UTRN: variants seen among roughly 807,000 people sequenced by gnomAD.
UTRN encodes dystrophin-related protein 1.
Under a neutral mutation model 463.9 loss-of-function variants are expected in UTRN, and 283 were observed. The observed-to-expected ratio is 0.61, with a 90% CI of 0.55 to 0.67. UTRN has a LOEUF of 0.67. UTRN is among the 30% of genes least tolerant of loss of function. The pLI, the probability that UTRN is intolerant of heterozygous loss-of-function variation, is 0.00. For synonymous variants in UTRN, 1,442 were observed against 1,431.5 expected, an observed-to-expected ratio of 1.01 and a Z score of -0.17; for missense variants, 3,922 against 4,084.3, an observed-to-expected ratio of 0.96 and a Z score of 1.08.
At chr6:144,761,120 CTATT>C (rs1470451966) in intron 58 of UTRN, among the ~76,000 whole-genome samples, 4 of 152,030 alleles carry the variant, frequency 2.6e-5, no homozygotes, top group African/African-American at 7.2e-5. Flanking sequence ...ATAAACCCCT[CTATT>C]TGTTGATATC....
intron 3 of UTRN, among the ~76,000 whole-genome samples, chr6:144,413,403 G>A (rs1383067074): frequency 6.6e-6 from 1 of 152,182 alleles, no homozygotes; most frequent in Non-Finnish European, 1.5e-5. Context: ...ACATGGCTGG[G>A]AGGCCATGGT....
chr6:144,331,660 C>T (rs1477794325), intron 2 of UTRN, among the ~76,000 whole-genome samples: 1 of 152,184 alleles, frequency 6.6e-6, no homozygotes, highest in Non-Finnish European at 1.5e-5. Context: ...TGCTGGGAGG[C>T]AGACAAGCAA....
Position 144,523,002 on chromosome 6 carries a change from C to A in UTRN, c.5734-14C>A, listed in dbSNP as rs1171739375. ...TTTGCTGGATTTTGTTAATCTATGA[C>A]AATATATTTTTAGAATATCAAAGAC... On this transcript the variant is annotated splice_polypyrimidine_tract_variant and intron_variant, in intron 40 of 74. Coordinates refer to ENST00000367545, the MANE Select transcript of UTRN (RefSeq NM_007124.3). 5.8e-6 allele frequency: 9 copies of A among 1,564,502 alleles called. No individual in the cohort carries two copies. Among genetic ancestry groups the A allele is most frequent in the Middle Eastern group, 3.4e-4 (2 of 5,852 alleles).
chr6:144,289,690 C>A (rs1368989095), intron 1 of UTRN, among the ~76,000 whole-genome samples: 1 of 151,792 alleles, frequency 6.6e-6, no homozygotes. Flanking sequence ...CCCTTGTCAC[C>A]CAGGCTGGAG....
chr6:144,513,334 C>A (rs1222828092), intron 35 of UTRN, among the ~76,000 whole-genome samples: 4 of 152,142 alleles, frequency 2.6e-5, no homozygotes, highest in African/African-American at 9.7e-5. Flanking sequence ...AGGTGGATCA[C>A]AAGGTCAAGA....
At chr6:144,412,373 AAG>A (rs1157390019) in intron 3 of UTRN, among the ~76,000 whole-genome samples, 1 of 152,160 alleles carries the variant, frequency 6.6e-6, no homozygotes, top group Non-Finnish European at 1.5e-5. Context: ...ATCATTAACT[AAG>A]ATGATGTACA....
At chr6:144,300,086 AT>A (rs10677686) in intron 2 of UTRN, among the ~76,000 whole-genome samples, 20,495 of 142,238 alleles carry the variant, frequency 0.14, 2,294 homozygotes, top group African/African-American at 0.33. Context: ...AAGTCTTGTG[AT>A]TTTTTTTTTT....
chr6:144,522,193 T>A, intron 40 of UTRN, 22 bp downstream of exon 40: 2 of 1,456,496 alleles, frequency 1.4e-6, no homozygotes, highest in East Asian at 5.3e-5. Flanking sequence ...GGCACTGTGT[T>A]TGAATGGCCA....
At chr6:144,745,045 G>C (rs985820641) in intron 54 of UTRN, among the ~76,000 whole-genome samples, 1 of 152,092 alleles carries the variant, frequency 6.6e-6, no homozygotes, top group Non-Finnish European at 1.5e-5. Context: ...CTACCTTTTG[G>C]GGGAGGGTTC....
intron 2 of UTRN, among the ~76,000 whole-genome samples, chr6:144,362,094 A>G (rs1779132472): frequency 6.6e-6 from 1 of 152,252 alleles, no homozygotes; most frequent in Non-Finnish European, 1.5e-5. Context: ...TATTAAACAT[A>G]TCAACTCATT....
intron 13 of UTRN, among the ~76,000 whole-genome samples, chr6:144,440,945 A>G (rs1450567570): frequency 2.0e-5 from 3 of 152,166 alleles, no homozygotes; most frequent in Non-Finnish European, 2.9e-5. Flanking sequence ...TTTTAAAACC[A>G]TCAGACCTCG....
chr6:144,302,405 G>A (rs1269997861), intron 2 of UTRN, among the ~76,000 whole-genome samples: 1 of 151,920 alleles, frequency 6.6e-6, no homozygotes, highest in Non-Finnish European at 1.5e-5. Context: ...CAGCTACTTG[G>A]GAGGCTGAGG....
intron 39 of UTRN, among the ~76,000 whole-genome samples, chr6:144,521,572 A>C (rs1385859943): frequency 3.3e-5 from 5 of 152,170 alleles, no homozygotes; most frequent in African/African-American, 7.2e-5. Context: ...ATGAGGTCCA[A>C]TTTTAAAATT....
intron 2 of UTRN, among the ~76,000 whole-genome samples, chr6:144,342,510 A>G (rs7765330): frequency 0.015 from 2,341 of 152,308 alleles, 63 homozygotes; most frequent in African/African-American, 0.054. Context: ...ACATAATAAA[A>G]TATGGTCTAT....
At chr6:144,375,643 C>T (rs1780387936) in intron 2 of UTRN, among the ~76,000 whole-genome samples, 1 of 152,182 alleles carries the variant, frequency 6.6e-6, no homozygotes, top group Non-Finnish European at 1.5e-5. Context: ...TTTTGCCTGG[C>T]TACTGATTCT....
chr6:144,388,207 C>G (rs1015139506), intron 2 of UTRN, among the ~76,000 whole-genome samples: 1 of 152,178 alleles, frequency 6.6e-6, no homozygotes, highest in Non-Finnish European at 1.5e-5. Context: ...AAGTGAAGCA[C>G]TGTGTATATT....
chr6:144,748,570 C>A (rs1434651245), intron 55 of UTRN, 56 bp downstream of exon 55: 5 of 1,570,300 alleles, frequency 3.2e-6, no homozygotes, highest in Non-Finnish European at 3.4e-6. Context: ...TTAAATATAA[C>A]ACAAATAAAG....
chr6:144,581,698 T>A (rs1801983477), intron 51 of UTRN, among the ~76,000 whole-genome samples: 1 of 152,222 alleles, frequency 6.6e-6, no homozygotes, highest in Admixed American at 6.5e-5. Flanking sequence ...TCTTGGCATA[T>A]AATTCACATA....
At chr6:144,735,677 G>A (rs1789306810) in intron 54 of UTRN, among the ~76,000 whole-genome samples, 1 of 151,776 alleles carries the variant, frequency 6.6e-6, no homozygotes, top group Non-Finnish European at 1.5e-5. Context: ...TTCTTCCCTA[G>A]GACTTTGCGA....
Sources: gnomAD v4.1 joint callset for allele counts (sites outside exome capture counted in the v4.1 genomes callset) on GRCh38, gnomAD v4.1.1 for gene constraint, MANE v1.5 for transcripts, NCBI Gene and HGNC (gene_info 2026-07-23, HGNC 2026-07-21) for gene names.